The following ZNF385D variants were observed in gnomAD, a reference collection of about 807,000 sequenced individuals.
ZNF385D encodes zinc finger protein 385D, also known as zinc finger protein 659.
ZNF385D carries 15 observed loss-of-function variants against 35.8 expected under a neutral mutation model. That is an observed-to-expected ratio of 0.42 (90% confidence interval 0.28 to 0.64). The LOEUF is 0.64. ZNF385D is among the 30% of genes least tolerant of loss of function. The probability of loss-of-function intolerance (pLI) is 0.23; values close to 1 mark genes in which losing one functional copy is unlikely to be tolerated. For missense variants in ZNF385D, 474 were observed against 494.6 expected (o/e 0.96, Z 0.39); for synonymous variants, 212 against 186.8 (o/e 1.13, Z -1.10).
intron 4 of ZNF385D, among the ~76,000 whole-genome samples, chr3:21,493,301 T>C (rs1054778150): frequency 6.6e-6 from 1 of 152,178 alleles, no homozygotes; most frequent in African/African-American, 2.4e-5. Flanking sequence ...CCATTTCTTA[T>C]ATTCATGGTC....
chr3:21,947,010 A>C (rs573269990), intron 3 of ZNF385D, among the ~76,000 whole-genome samples: 1 of 151,972 alleles, frequency 6.6e-6, no homozygotes, highest in Non-Finnish European at 1.5e-5. Flanking sequence ...AAAAAAAAAC[A>C]TCAGTTTGAG....
At position 21,678,237 on chromosome 3, in the gene ZNF385D, G is replaced by T. The variant is rs1192314842; in HGVS notation, c.23-13209C>A. On this transcript the variant is annotated intron_variant, in intron 1 of 7. Coordinates refer to ENST00000281523, the MANE Select transcript of ZNF385D (RefSeq NM_024697.3). ...GAATCCAGTGAGAGGACTAAGAAAG[G>T]CATCTGATTTGTCTGTCAAAGCTTG... 2.0e-5 allele frequency among the ~76,000 whole-genome samples: 3 copies of T among 152,062 alleles called. No homozygotes were observed. The South Asian group carries it at 6.2e-4, about 32-fold the overall frequency.
At chr3:22,311,975 A>G (rs1559512962) in intron 2 of ZNF385D, among the ~76,000 whole-genome samples, 1 of 152,152 alleles carries the variant, frequency 6.6e-6, no homozygotes, top group Non-Finnish European at 1.5e-5. Flanking sequence ...ATTATGCAAC[A>G]AGACAACACT....
chr3:21,576,948 G>T (rs2063513744), intron 2 of ZNF385D, among the ~76,000 whole-genome samples: 1 of 152,084 alleles, frequency 6.6e-6, no homozygotes, highest in Non-Finnish European at 1.5e-5. Context: ...GATGTCTAAT[G>T]ATCAAATCAT....
chr3:22,111,587 TG>T (rs1702539979), intron 3 of ZNF385D, among the ~76,000 whole-genome samples: 1 of 152,144 alleles, frequency 6.6e-6, no homozygotes. Context: ...CTTGGCATTT[TG>T]TTCAACCATT....
chr3:21,939,568 C>T (rs1011830226), intron 3 of ZNF385D, among the ~76,000 whole-genome samples: 17 of 151,784 alleles, frequency 1.1e-4, no homozygotes, highest in Admixed American at 5.2e-4. Context: ...CTGTTGAGCT[C>T]CTAAATATAG....
Position 21,424,035 on chromosome 3 carries a change from T to A in ZNF385D, c.882A>T (p.Arg294Ser), listed in dbSNP as rs143591372. The A allele has an allele frequency of 1.9e-6, 3 of 1,602,106 alleles. No individual in the cohort carries two copies. The African/African-American group carries it at 4.0e-5, about 22-fold the overall frequency. Residue 294 changes from arginine (R) to serine (S), a missense_variant, in exon 7 of 8, where the codon AGA (arginine) becomes AGT (serine). Coordinates refer to ENST00000281523, the MANE Select transcript of ZNF385D (RefSeq NM_024697.3). Reference protein sequence around the residue: ...QHISSRRHKDRAAGKPPKPKY... With the variant: ...QHISSRRHKDSAAGKPPKPKY... ...TAGGTTTCGGGGGCTTCCCAGCAGC[T>A]CTGTCTTTGTGCCTTCTACTGCTAA...
upstream of ZNF385D, chr3:21,751,363 C>T (rs183918407): frequency 7.7e-6 from 8 of 1,037,896 alleles, no homozygotes; most frequent in Admixed American, 1.6e-4. Flanking sequence ...GAGTGAGGGG[C>T]GCGGGAGGCT....
chr3:21,954,283 T>A (rs544272291), intron 3 of ZNF385D, among the ~76,000 whole-genome samples: 138 of 152,112 alleles, frequency 9.1e-4, no homozygotes, highest in Non-Finnish European at 2.9e-4. Context: ...TAGGTGATGT[T>A]TGACCCACAG....
intron 3 of ZNF385D, among the ~76,000 whole-genome samples, chr3:22,091,608 G>C (rs538210656): frequency 1.1e-4 from 16 of 151,668 alleles, no homozygotes; most frequent in African/African-American, 3.9e-4. Context: ...AAGCCCTCTA[G>C]GTATGTAGCT....
At chr3:21,981,016 T>C (rs936127721) in intron 3 of ZNF385D, among the ~76,000 whole-genome samples, 9 of 152,186 alleles carry the variant, frequency 5.9e-5, no homozygotes, top group African/African-American at 2.2e-4. Context: ...TGAATAGTGC[T>C]GTACTGAACA....
At chr3:21,973,972 T>C (rs569804136) in intron 3 of ZNF385D, among the ~76,000 whole-genome samples, 94 of 152,138 alleles carry the variant, frequency 6.2e-4, no homozygotes, top group African/African-American at 1.9e-3. Context: ...GTAGAATATA[T>C]ATTTTTAAAA....
In ZNF385D at chr3:22,184,305, G is replaced by A. The variant is rs1559435808; in HGVS notation, c.107-15270C>T. ...GTTCATGGAACCATTATTGACGTCA[G>A]GGCAACATGGTGTTTTGTCTTTAAA... is the stretch of plus-strand genomic sequence containing the variant. On this transcript the variant is annotated intron_variant, in intron 2 of 5. Transcript: ENST00000494108. Among the ~76,000 whole-genome samples the A allele has an allele frequency of 3.9e-5, 6 of 152,240 alleles. 1 individual carries two copies. In the South Asian group the frequency reaches 1.2e-3, roughly 32 times the overall value.
intron 4 of ZNF385D, among the ~76,000 whole-genome samples, chr3:21,448,178 A>G (rs979439200): frequency 6.6e-6 from 1 of 152,188 alleles, no homozygotes; most frequent in African/African-American, 2.4e-5. Flanking sequence ...TCAGGAGACT[A>G]GAAAAGGAGT....
intron 2 of ZNF385D, among the ~76,000 whole-genome samples, chr3:22,170,369 G>A (rs1160538838): frequency 6.6e-6 from 1 of 152,142 alleles, no homozygotes; most frequent in Non-Finnish European, 1.5e-5. Flanking sequence ...CAACATGTAA[G>A]TATTATCAGT....
At chr3:21,830,413 G>T (rs1275650456) in intron 3 of ZNF385D, among the ~76,000 whole-genome samples, 1 of 152,146 alleles carries the variant, frequency 6.6e-6, no homozygotes, top group East Asian at 1.9e-4. Context: ...GAGTAGACAT[G>T]CATAGATTTA....
At chr3:21,672,808 G>A (rs1255628326) in intron 1 of ZNF385D, among the ~76,000 whole-genome samples, 2 of 152,134 alleles carry the variant, frequency 1.3e-5, no homozygotes, top group Admixed American at 6.6e-5. Context: ...TAATTATCCA[G>A]TTGCCAATAT....
chr3:21,633,704 G>C (rs9829931), intron 2 of ZNF385D, among the ~76,000 whole-genome samples: 1 of 151,998 alleles, frequency 6.6e-6, no homozygotes, highest in African/African-American at 2.4e-5. Context: ...GGATGTTTTA[G>C]CATTGTATTC....
intron 2 of ZNF385D, among the ~76,000 whole-genome samples, chr3:22,278,132 T>A (rs1208565498): frequency 1.3e-5 from 2 of 152,118 alleles, no homozygotes; most frequent in Non-Finnish European, 2.9e-5. Flanking sequence ...ACATGTTTTA[T>A]TCATGTTTAC....
Sources: gnomAD v4.1 joint callset for allele counts (sites outside exome capture counted in the v4.1 genomes callset) on GRCh38, gnomAD v4.1.1 for gene constraint, MANE v1.5 for transcripts, NCBI Gene and HGNC (gene_info 2026-07-23, HGNC 2026-07-21) for gene names.